Variants in GRIA1 observed in about 807,000 individuals in gnomAD.
GRIA1 encodes the protein glutamate ionotropic receptor AMPA type subunit 1, also known as glutamate receptor 1.
GRIA1 carries 31 observed loss-of-function variants against 99.2 expected under a neutral mutation model. The ratio of observed to expected loss-of-function variants is 0.31; its 90% CI spans 0.23 to 0.42. GRIA1 has a LOEUF of 0.42. Ranked by LOEUF, GRIA1 falls within the 10% of genes least tolerant of loss-of-function variation. GRIA1 has a pLI of 1.00. For missense variants in GRIA1, 782 were observed against 1,157.5 expected (o/e 0.68, Z 4.71); for synonymous variants, 438 against 432.4 (o/e 1.01, Z -0.16).
chr5:153,529,369 C>G (rs514381), intron 2 of GRIA1, among the ~76,000 whole-genome samples: 62,101 of 151,988 alleles, frequency 0.41, 12,970 homozygotes, highest in African/African-American at 0.48. Context: ...CTCAGGTTCA[C>G]ATCTTTGGCC....
intron 2 of GRIA1, among the ~76,000 whole-genome samples, chr5:153,635,714 G>C (rs2910265): frequency 0.21 from 32,333 of 152,118 alleles, 4,083 homozygotes; most frequent in Non-Finnish European, 0.28. Context: ...CAGCATTCCT[G>C]GCTGAGTCCC....
chr5:153,495,904 C>G (rs543241446), intron 2 of GRIA1, among the ~76,000 whole-genome samples: 4 of 152,310 alleles, frequency 2.6e-5, no homozygotes, highest in Non-Finnish European at 2.9e-5. Flanking sequence ...TATACATGTG[C>G]TAATTTATTT....
intron 2 of GRIA1, among the ~76,000 whole-genome samples, chr5:153,508,008 G>T (rs77703920): frequency 2.0e-5 from 3 of 152,142 alleles, no homozygotes; most frequent in Non-Finnish European, 4.4e-5. Context: ...TGGAGATACC[G>T]CAGAAAACAA....
At chr5:153,546,736 G>A (rs932190809) in intron 2 of GRIA1, among the ~76,000 whole-genome samples, 17 of 152,150 alleles carry the variant, frequency 1.1e-4, no homozygotes, top group African/African-American at 3.6e-4. Flanking sequence ...CCAACACATT[G>A]TCCTATTGCA....
intron 2 of GRIA1, among the ~76,000 whole-genome samples, chr5:153,496,844 C>T (rs1042459635): frequency 6.6e-6 from 1 of 151,852 alleles, no homozygotes; most frequent in Non-Finnish European, 1.5e-5. Context: ...ATTAACTGCC[C>T]AATAAGTCTT....
At chr5:153,584,510 A>T (rs1301322828) in intron 2 of GRIA1, among the ~76,000 whole-genome samples, 1 of 152,180 alleles carries the variant, frequency 6.6e-6, no homozygotes, top group Non-Finnish European at 1.5e-5. Flanking sequence ...CAGCAGATGC[A>T]TTTAAAGTCA....
chr5:153,658,863 G>A (rs1020232413), intron 5 of GRIA1, among the ~76,000 whole-genome samples: 1 of 152,170 alleles, frequency 6.6e-6, no homozygotes, highest in Non-Finnish European at 1.5e-5. Flanking sequence ...TCACTTCGGA[G>A]GAATGCTTCT....
chr5:153,755,744 C>T (rs1762786809), intron 11 of GRIA1: 1 of 152,166 alleles, frequency 6.6e-6, no homozygotes. Context: ...CCCCTAACAA[C>T]AATAAGAATT....
rs1385962924 is a variant in GRIA1, at chr5:153,492,031, G to A, written c.82+1061G>A. 5 of 854,018 alleles carry A rather than the reference G, an allele frequency of 5.9e-6. No homozygotes were observed. In the African/African-American group the frequency reaches 6.7e-5, roughly 12 times the overall value. 52.9% of individuals were successfully genotyped at this position (854,018 alleles called of 1,614,324 possible). On this transcript the variant is annotated intron_variant, in intron 1 of 15. Transcript: ENST00000285900. ...AGTGTCGTTTGTGTCCCGGAATGAA[G>A]CAAGCTGCTGTGTTTGGAAGCATCT... is the stretch of plus-strand genomic sequence containing the variant.
At chr5:153,608,602 A>G (rs888111162) in intron 2 of GRIA1, among the ~76,000 whole-genome samples, 5 of 152,096 alleles carry the variant, frequency 3.3e-5, no homozygotes, top group African/African-American at 9.7e-5. Flanking sequence ...GTTCTTTCAC[A>G]TGGTTTTCAG....
At chr5:153,773,599 AT>A (rs1764024752) in intron 13 of GRIA1, among the ~76,000 whole-genome samples, 5 of 152,230 alleles carry the variant, frequency 3.3e-5, no homozygotes, top group African/African-American at 1.2e-4. Flanking sequence ...AATGAAAATA[AT>A]TCTGCTTCAT....
At chr5:153,525,793 G>C (rs1298942537) in intron 2 of GRIA1, among the ~76,000 whole-genome samples, 1 of 152,082 alleles carries the variant, frequency 6.6e-6, no homozygotes, top group African/African-American at 2.4e-5. Context: ...ACCTGGCTTG[G>C]ACTTCTCAAG....
At chr5:153,810,734 T>C (rs1766754589) in intron 15 of GRIA1, among the ~76,000 whole-genome samples, 1 of 152,200 alleles carries the variant, frequency 6.6e-6, no homozygotes, top group Non-Finnish European at 1.5e-5. Context: ...CAAGGAAATA[T>C]TCCACCTTTA....
At chr5:153,787,179 C>T (rs1046278936) in intron 13 of GRIA1, among the ~76,000 whole-genome samples, 1 of 152,126 alleles carries the variant, frequency 6.6e-6, no homozygotes, top group Admixed American at 6.6e-5. Context: ...CTTTAGAGCA[C>T]AAGGCTGGAT....
intron 6 of GRIA1, 23 bp from the exon 7 acceptor site, chr5:153,676,971 A>G: frequency 7.3e-7 from 1 of 1,370,856 alleles, no homozygotes; most frequent in Admixed American, 2.8e-5. Context: ...TTGATACCTA[A>G]CTGTCTCCAT....
At chr5:153,502,547 G>T (rs997790339) in intron 2 of GRIA1, among the ~76,000 whole-genome samples, 1 of 152,174 alleles carries the variant, frequency 6.6e-6, no homozygotes. Context: ...TAAGGTATAA[G>T]GTTCCATCTT....
chr5:153,677,080 C>A lies in GRIA1; in HGVS notation c.948C>A (p.Arg316=). Residue 316 remains arginine, a synonymous_variant, in exon 7 of 16, where the codon CGC becomes CGA. Coordinates refer to ENST00000285900, the MANE Select transcript of GRIA1 (RefSeq NM_000827.4). The part of the protein sequence containing the change: ...SLRRQRIDIS[R]RGNAGDCLAN... ...GGAGGCAGAGAATTGATATATCTCG[C>A]CGGGGGAATGCTGGGGATTGTCTGG... The A allele has an allele frequency of 6.3e-7, 1 of 1,585,516 alleles. No individual in the cohort carries two copies. The highest frequency in any genetic ancestry group is 8.6e-7 in the Non-Finnish European group (1 of 1,163,778).
chr5:153,557,500 C>T (rs1760754252), intron 2 of GRIA1, among the ~76,000 whole-genome samples: 1 of 152,144 alleles, frequency 6.6e-6, no homozygotes, highest in East Asian at 1.9e-4. Context: ...AATGTTTTAA[C>T]TTTTTGACTC....
intron 2 of GRIA1, among the ~76,000 whole-genome samples, chr5:153,639,346 C>T (rs774629149): frequency 9.2e-5 from 14 of 152,338 alleles, no homozygotes; most frequent in Non-Finnish European, 1.8e-4. Context: ...TCTTTCTCCT[C>T]ACCTGCATCT....
Sources: gnomAD v4.1 joint callset for allele counts (sites outside exome capture counted in the v4.1 genomes callset) on GRCh38, gnomAD v4.1.1 for gene constraint, MANE v1.5 for transcripts, NCBI Gene and HGNC (gene_info 2026-07-23, HGNC 2026-07-21) for gene names.